JADE2: variants seen among roughly 807,000 people sequenced by gnomAD.
The protein encoded by JADE2 is jade family PHD finger 2.
JADE2 carries 13 observed loss-of-function variants against 85.7 expected under a neutral mutation model. The observed-to-expected ratio is 0.15, with a 90% confidence interval of 0.10 to 0.24. The LOEUF is 0.24. Among genes scored for constraint, JADE2 ranks in the 10% least tolerant of loss-of-function variants. The probability of loss-of-function intolerance (pLI) is 1.00; values close to 1 mark genes in which losing one functional copy is unlikely to be tolerated. For missense variants in JADE2, 846 were observed against 1,115.9 expected, an observed-to-expected ratio of 0.76 and a Z score of 3.45; for synonymous variants, 440 against 456.1, an observed-to-expected ratio of 0.96 and a Z score of 0.45.
At chr5:134,555,958 G>A (rs137897204) in intron 4 of JADE2, among the ~76,000 whole-genome samples, 3 of 152,218 alleles carry the variant, frequency 2.0e-5, no homozygotes, top group East Asian at 1.9e-4. Context: ...CCTTATATAG[G>A]CCTTCCTCCT....
chr5:134,578,965 C>T lies in JADE2; in HGVS notation c.2153C>T (p.Pro718Leu), dbSNP rs747854287. The change falls in exon 12 of 12, where the codon CCG becomes CTG. Residue 718 changes from proline to leucine, a missense_variant. Transcript: ENST00000681547. The surrounding 1 kb of genome is among the most constrained non-coding windows in gnomAD (Gnocchi z 4.4). Reference protein sequence around the residue: ...CPILATPESPPPLAPETPDEA... With the variant: ...CPILATPESPLPLAPETPDEA... ...ATCCTAGCCACCCCTGAAAGCCCCCCGCCACTGGCCCCTGAGACCCCGGAC... is the reference window on the plus strand; with the variant it reads ...ATCCTAGCCACCCCTGAAAGCCCCCTGCCACTGGCCCCTGAGACCCCGGAC... 29 of 1,613,144 alleles carry T rather than the reference C, an allele frequency of 1.8e-5. No individual in the cohort carries two copies. Among genetic ancestry groups the T allele is most frequent in the Admixed American group, 8.3e-5 (5 of 59,996 alleles).
Position 134,565,182 on chromosome 5 carries a change from G to A in JADE2, c.969+572G>A, listed in dbSNP as rs544748197. Among the ~76,000 whole-genome samples the A allele has an allele frequency of 2.6e-5, 4 of 152,296 alleles. No individual in the cohort carries two copies. In the East Asian group the frequency reaches 7.7e-4, roughly 29 times the overall value. On this transcript the variant is annotated intron_variant, in intron 8 of 11. Transcript: ENST00000681547. Reference sequence around the variant, plus strand: ...CTCCCAAGGGATGTTGATGCCTCAGGTCTATAGTTTGGGAGTGCAGGGGGG... The same window carrying A: ...CTCCCAAGGGATGTTGATGCCTCAGATCTATAGTTTGGGAGTGCAGGGGGG...
At position 134,566,070 on chromosome 5, in the gene JADE2, C is replaced by G; in HGVS notation, c.970-46C>G. On this transcript the variant is annotated intron_variant, in intron 8 of 11. Coordinates refer to ENST00000681547, the MANE Select transcript of JADE2 (RefSeq NM_001388185.1). This position sits in a 1 kb window ranked among gnomAD's most constrained non-coding sequence, Gnocchi z 6.7. ...GAAGCCCCTCTGTCTTCTCCCCTCC[C>G]ACCAGGCTCCCTCCATGTCTGATCC... The G allele has an allele frequency of 6.5e-7, 1 of 1,527,928 alleles. No individual in the cohort carries two copies. 94.6% of individuals were successfully genotyped at this position (1,527,928 alleles called of 1,614,324 possible).
At chr5:134,528,373 C>CGTCTTGTCCCATCTTCCTTAGACGGGCTG in intron 1 of JADE2, among the ~76,000 whole-genome samples, 1 of 152,254 alleles carries the variant, frequency 6.6e-6, no homozygotes, top group African/African-American at 2.4e-5. Flanking sequence ...ACGCACCGTC[C>CGTCTTGTCCCATCTTCCTTAGACGGGCTG]GTCTTGTCCC....
intron 9 of JADE2, among the ~76,000 whole-genome samples, chr5:134,567,370 C>T (rs1763707646): frequency 6.6e-6 from 1 of 152,168 alleles, no homozygotes; most frequent in African/African-American, 2.4e-5. Flanking sequence ...CAGCTGTGTG[C>T]TGGGAAACAG....
Position 134,578,942 on chromosome 5 carries a change from C to T in JADE2, c.2130C>T (p.Ile710=), listed in dbSNP as rs781291729. ...PSSPAAGDCP[I]LATPESPPPL... ...GCCCTGCAGCCGGGGACTGTCCCAT[C>T]CTAGCCACCCCTGAAAGCCCCCCGC... is the stretch of plus-strand genomic sequence containing the variant. Residue 710 remains isoleucine, a synonymous_variant, in exon 12 of 12, where the codon ATC becomes ATT. Transcript: ENST00000681547. The surrounding 1 kb of genome is among the most constrained non-coding windows in gnomAD (Gnocchi z 4.4). The T allele has an allele frequency of 3.1e-6, 5 of 1,613,398 alleles. No individual in the cohort carries two copies. Among genetic ancestry groups the T allele is most frequent in the Non-Finnish European group, 4.2e-6 (5 of 1,179,900 alleles).
chr5:134,578,938 C>T lies in JADE2; in HGVS notation c.2126C>T (p.Pro709Leu), dbSNP rs764233285. The T allele has an allele frequency of 1.2e-6, 2 of 1,613,626 alleles. No individual in the cohort carries two copies. Among genetic ancestry groups the T allele is most frequent in the East Asian group, 4.5e-5 (2 of 44,884 alleles). ...TCCAGCCCTGCAGCCGGGGACTGTC[C>T]CATCCTAGCCACCCCTGAAAGCCCC... The part of the protein sequence containing the change: ...LPSSPAAGDC[P>L]ILATPESPPP... Residue 709 changes from proline (P) to leucine (L), a missense_variant, in exon 12 of 12, where the codon CCC becomes CTC. By Grantham distance (98) the Pro-to-Leu change is moderately conservative. Around this residue, in one of 9 missense-constraint regions of JADE2, gnomAD observed 300 missense variants for 300.7 expected, o/e 1.00. Coordinates refer to ENST00000681547, the MANE Select transcript of JADE2 (RefSeq NM_001388185.1). This position sits in a 1 kb window ranked among gnomAD's most constrained non-coding sequence, Gnocchi z 4.4.
intron 9 of JADE2, among the ~76,000 whole-genome samples, chr5:134,571,662 G>A (rs539408012): frequency 1.8e-4 from 27 of 152,100 alleles, no homozygotes; most frequent in Middle Eastern, 3.4e-3. Flanking sequence ...GTGCCACTGC[G>A]CTCCAGCCTA....
rs1000347068 is a variant in JADE2, at chr5:134,560,081, A to G, written c.472+91A>G. The G allele has an allele frequency of 9.6e-5, 134 of 1,397,480 alleles. 1 individual carries two copies. In the African/African-American group the frequency reaches 1.3e-3, roughly 14 times the overall value. The allele number at this position is 1,397,480 out of a possible 1,614,324, so 86.6% of individuals were successfully genotyped here. On this transcript the variant is annotated intron_variant, in intron 5 of 11. Transcript: ENST00000681547. ...GAGGGACAGTGGCCCAGGCAGGGCT[A>G]TGGTATGGCATGGATCTGGAGGGAG...
intron 7 of JADE2, among the ~76,000 whole-genome samples, chr5:134,563,184 A>G (rs1346824114): frequency 2.0e-5 from 3 of 152,086 alleles, no homozygotes; most frequent in African/African-American, 2.4e-5. Context: ...AGCTGGGCTT[A>G]GCACATGCCT....
At chr5:134,576,683 C>G in intron 10 of JADE2, 85 bp from the exon 11 acceptor site, 1 of 1,505,800 alleles carries the variant, frequency 6.6e-7, no homozygotes, top group Non-Finnish European at 9.0e-7. Context: ...TGGAGGACTC[C>G]TGGGCTGCCA....
chr5:134,526,589 G>T, intron 1 of JADE2: 1 of 985,402 alleles, frequency 1.0e-6, no homozygotes, highest in African/African-American at 1.7e-5. Context: ...ACGTGCAGCC[G>T]GTCCGGTCCC....
chr5:134,528,071 C>T (rs1760984266), intron 1 of JADE2, among the ~76,000 whole-genome samples: 1 of 152,144 alleles, frequency 6.6e-6, no homozygotes, highest in South Asian at 2.1e-4. Flanking sequence ...GACCTGCTGC[C>T]TTGCCTTTGT....
intron 3 of JADE2, among the ~76,000 whole-genome samples, chr5:134,539,005 C>T (rs1444051393): frequency 2.0e-5 from 3 of 150,882 alleles, no homozygotes; most frequent in Admixed American, 2.0e-4. Flanking sequence ...TACAGGTGCA[C>T]ACAGCACACC....
intron 9 of JADE2, among the ~76,000 whole-genome samples, chr5:134,568,689 A>G (rs1052308831): frequency 7.9e-5 from 12 of 152,260 alleles, no homozygotes; most frequent in African/African-American, 2.9e-4. Context: ...GGGCAGGGGC[A>G]TGCACAGCCC....
Position 134,566,223 on chromosome 5 carries a change from A to G in JADE2, c.1077A>G (p.Ser359=). 6.2e-7 allele frequency: 1 copy of G among 1,614,108 alleles called. No individual in the cohort carries two copies. The highest frequency in any genetic ancestry group is 8.5e-7 in the Non-Finnish European group (1 of 1,180,020). Residue 359 remains serine, a synonymous_variant, in exon 9 of 12, where the codon TCA becomes TCG. Coordinates refer to ENST00000681547, the MANE Select transcript of JADE2 (RefSeq NM_001388185.1). The surrounding 1 kb of genome is among the most constrained non-coding windows in gnomAD (Gnocchi z 6.7). ...LADNDEVKFK[S]FCQEHSDGGP... ...ACAACGATGAGGTCAAGTTCAAGTC[A>G]TTCTGCCAGGAGCACAGTGACGGGG...
chr5:134,562,384 G>T lies in JADE2; in HGVS notation c.852+17G>T. The T allele has an allele frequency of 1.9e-6, 3 of 1,599,640 alleles. No homozygotes were observed. Among genetic ancestry groups the T allele is most frequent in the Non-Finnish European group, 2.6e-6 (3 of 1,170,022 alleles). ...ATTCCTGAGGTGGGTGAGCGTGGAG[G>T]TGAGGCAGCCCAAGGAATAGCCCGT... On this transcript the variant is annotated intron_variant, in intron 7 of 11. Coordinates refer to ENST00000681547, the MANE Select transcript of JADE2 (RefSeq NM_001388185.1). The surrounding 1 kb of genome is among the most constrained non-coding windows in gnomAD (Gnocchi z 4.6).
At chr5:134,530,331 T>G (rs1761152573) in intron 1 of JADE2, among the ~76,000 whole-genome samples, 1 of 152,270 alleles carries the variant, frequency 6.6e-6, no homozygotes, top group African/African-American at 2.4e-5. Context: ...TTTTTGTTTC[T>G]CTTTGAAAGA....
At chr5:134,538,938 C>T (rs1038215120) in intron 3 of JADE2, among the ~76,000 whole-genome samples, 1 of 150,578 alleles carries the variant, frequency 6.6e-6, no homozygotes, top group Non-Finnish European at 1.5e-5. Context: ...CTCACTTCAA[C>T]CTCTGCCTCC....
Sources: allele counts gnomAD v4.1 joint callset (sites outside exome capture counted in the v4.1 genomes callset), GRCh38; gene constraint gnomAD v4.1.1; regional missense constraint gnomAD v4.1.1; non-coding constraint Gnocchi (gnomAD v3.1); transcripts MANE v1.5; gene names NCBI Gene and HGNC (gene_info 2026-07-23, HGNC 2026-07-21).